MTBP: variants seen among roughly 807,000 people sequenced by gnomAD.
MTBP encodes MDM2 binding protein.
MTBP carries 101 observed loss-of-function variants against 117.0 expected under a neutral mutation model. The observed-to-expected ratio is 0.86, with a 90% CI of 0.73 to 1.02. MTBP has a LOEUF of 1.02. Ranked by LOEUF, MTBP falls within the 50% of genes least tolerant of loss-of-function variation. MTBP has a pLI of 0.00. For missense variants in MTBP, 970 were observed against 1,030.9 expected (o/e 0.94, Z 0.81); for synonymous variants, 350 against 351.5 (o/e 1.00, Z 0.05).
At chr8:120,491,961 T>A (rs534581189) in intron 13 of MTBP, among the ~76,000 whole-genome samples, 1 of 152,108 alleles carries the variant, frequency 6.6e-6, no homozygotes, top group African/African-American at 2.4e-5. Flanking sequence ...AGTGAAAAGT[T>A]CAACAGAGTT....
At chr8:120,453,708 A>G (rs995516679) in intron 4 of MTBP, 139 bp from the exon 5 acceptor site, 1 of 402,242 alleles carries the variant, frequency 2.5e-6, no homozygotes, top group Non-Finnish European at 4.4e-6. Flanking sequence ...TGGAATTGTC[A>G]TAAAGATCAA....
rs1333887826 is a variant in MTBP at position 120,493,737 on chromosome 8, C to T, written c.1447+3167C>T. Among the ~76,000 whole-genome samples, 5 of 152,152 alleles carry T rather than the reference C, an allele frequency of 3.3e-5. No homozygotes were observed. In the South Asian group the frequency reaches 6.2e-4, roughly 19 times the overall value. ...AACTCTGGACCTCAGGTGATCCACCCGCTTCGGCCTCCCAAAGTGCTGGGA... is the reference window on the plus strand; with the variant it reads ...AACTCTGGACCTCAGGTGATCCACCTGCTTCGGCCTCCCAAAGTGCTGGGA... On this transcript the variant is annotated intron_variant, in intron 13 of 21. Coordinates refer to ENST00000305949, the MANE Select transcript of MTBP (RefSeq NM_022045.5).
In MTBP at chr8:120,490,341, G is replaced by A. The variant is rs945448879; in HGVS notation, c.1340-122G>A. 4.0e-5 allele frequency: 25 copies of A among 631,164 alleles called. No individual in the cohort carries two copies. The African/African-American group carries it at 4.0e-4, about 10-fold the overall frequency. 39.1% of individuals were successfully genotyped at this position (631,164 alleles called of 1,614,324 possible). A position where few individuals can be genotyped will look rare whatever the true frequency, so the allele number is the denominator to read the frequency against. ...CTTTGAAATATGTAAGGTCGAGAGA[G>A]GTGAGTGATTGACTTTTATTTTTTG... is the stretch of plus-strand genomic sequence containing the variant. On this transcript the variant is annotated intron_variant, in intron 12 of 21. Coordinates refer to ENST00000305949, the MANE Select transcript of MTBP (RefSeq NM_022045.5).
Position 120,461,261 on chromosome 8 carries a change from C to T in MTBP, c.977+6C>T. 1.3e-6 allele frequency: 2 copies of T among 1,543,250 alleles called. No homozygotes were observed. The highest frequency in any genetic ancestry group is 1.8e-6 in the Non-Finnish European group (2 of 1,117,778). ...TCGGATATTGAATTTGAGTTGTATC[C>T]TTTCATTTACATGTTCATTTTAGAT... On this transcript the variant is annotated splice_donor_region_variant and intron_variant, in intron 9 of 21. Transcript: ENST00000305949.
At chr8:120,486,148 G>T (rs924628746) in intron 11 of MTBP, among the ~76,000 whole-genome samples, 4 of 151,978 alleles carry the variant, frequency 2.6e-5, no homozygotes. Flanking sequence ...TCATTCCCAG[G>T]TTCTCTCTAA....
chr8:120,521,332 A>G (rs531313714), intron 20 of MTBP, among the ~76,000 whole-genome samples: 1 of 152,328 alleles, frequency 6.6e-6, no homozygotes, highest in Non-Finnish European at 1.5e-5. Context: ...TAACCATAAT[A>G]CATTAATTAG....
At chr8:120,467,770 A>G (rs1271190662) in intron 10 of MTBP, among the ~76,000 whole-genome samples, 2 of 152,254 alleles carry the variant, frequency 1.3e-5, no homozygotes, top group African/African-American at 2.4e-5. Flanking sequence ...AGAATGCATT[A>G]TAAACAACTG....
intron 5 of MTBP, among the ~76,000 whole-genome samples, chr8:120,454,402 A>G (rs771360039): frequency 6.6e-6 from 1 of 152,092 alleles, no homozygotes; most frequent in Non-Finnish European, 1.5e-5. Context: ...TAGTGGAAAG[A>G]ATACCTGTGA....
intron 11 of MTBP, among the ~76,000 whole-genome samples, chr8:120,475,803 G>GA (rs1267122007): frequency 1.3e-5 from 2 of 152,030 alleles, no homozygotes; most frequent in African/African-American, 4.8e-5. Context: ...GATGAATAGT[G>GA]AAAAATGGCT....
At chr8:120,510,704 C>A (rs1406357660) in intron 17 of MTBP, among the ~76,000 whole-genome samples, 1 of 152,024 alleles carries the variant, frequency 6.6e-6, no homozygotes, top group Admixed American at 6.6e-5. Context: ...GAGTTTGAGA[C>A]CAGCCTGGGC....
intron 16 of MTBP, among the ~76,000 whole-genome samples, chr8:120,509,013 A>G (rs1202992649): frequency 2.0e-5 from 3 of 152,174 alleles, no homozygotes; most frequent in Admixed American, 6.5e-5. Flanking sequence ...TAAACTCGAC[A>G]TATGATTAGT....
At chr8:120,483,776 G>C (rs1814149081) in intron 11 of MTBP, among the ~76,000 whole-genome samples, 2 of 152,096 alleles carry the variant, frequency 1.3e-5, no homozygotes, top group Non-Finnish European at 2.9e-5. Context: ...GCTTTTGGTG[G>C]AGAGGGGCAT....
chr8:120,487,435 T>A (rs1411529321), intron 11 of MTBP, among the ~76,000 whole-genome samples: 1 of 152,234 alleles, frequency 6.6e-6, no homozygotes, highest in Non-Finnish European at 1.5e-5. Context: ...TTCCAGATAT[T>A]AGTTCTTGTA....
intron 9 of MTBP, 50 bp from the exon 10 acceptor site, chr8:120,463,642 A>T (rs756409005): frequency 4.3e-6 from 6 of 1,380,954 alleles, no homozygotes; most frequent in South Asian, 2.9e-5. Context: ...TTTAAGGAGT[A>T]CATTGTTTCA....
At chr8:120,465,723 G>C (rs1007500480) in intron 10 of MTBP, among the ~76,000 whole-genome samples, 2 of 146,606 alleles carry the variant, frequency 1.4e-5, no homozygotes, top group African/African-American at 2.5e-5. Flanking sequence ...GCAGTGGCGC[G>C]ATCTCAGCTC....
intron 11 of MTBP, among the ~76,000 whole-genome samples, chr8:120,477,281 C>A (rs1054215543): frequency 1.3e-5 from 2 of 152,112 alleles, no homozygotes; most frequent in Non-Finnish European, 2.9e-5. Flanking sequence ...ACACATAAGA[C>A]CTAAAACCAT....
intron 5 of MTBP, 63 bp downstream of exon 5, chr8:120,453,968 G>A: frequency 3.1e-6 from 3 of 981,972 alleles, no homozygotes; most frequent in Non-Finnish European, 4.6e-6. Flanking sequence ...ATGAATAAAT[G>A]ATAAATTTGT....
At position 120,481,720 on chromosome 8, in the gene MTBP, T is replaced by C. The variant is rs560816693; in HGVS notation, c.1166-6439T>C. 2.4e-3 allele frequency among the ~76,000 whole-genome samples: 362 copies of C among 152,334 alleles called. 1 individual carries two copies. Among genetic ancestry groups the C allele is most frequent in the African/African-American group, 7.8e-3 (323 of 41,584 alleles). On this transcript the variant is annotated intron_variant, in intron 11 of 21. Coordinates refer to ENST00000305949, the MANE Select transcript of MTBP (RefSeq NM_022045.5). ...TCATAGTGATGGATGCACAGTTGTT[T>C]ACATTTCCCAAAATTTGTTAAAGTT...
At chr8:120,483,977 A>C (rs1586955973) in intron 11 of MTBP, among the ~76,000 whole-genome samples, 1 of 152,124 alleles carries the variant, frequency 6.6e-6, no homozygotes, top group Non-Finnish European at 1.5e-5. Context: ...TTCAATTAAC[A>C]CCTGCCAAAT....
Sources: allele counts gnomAD v4.1 joint callset (sites outside exome capture counted in the v4.1 genomes callset), GRCh38; gene constraint gnomAD v4.1.1; transcripts MANE v1.5; gene names NCBI Gene and HGNC (gene_info 2026-07-23, HGNC 2026-07-21).